Variants in SFI1 observed in about 807,000 individuals in gnomAD.
SFI1 encodes protein SFI1 homolog.
Under a neutral mutation model 207.5 loss-of-function variants are expected in SFI1, and 195 were observed. The ratio of observed to expected loss-of-function variants is 0.94; its 90% confidence interval spans 0.84 to 1.06. The LOEUF (loss-of-function observed/expected upper bound fraction) is 1.06. SFI1 is among the 50% of genes least tolerant of loss of function. SFI1 has a pLI of 0.00. For missense variants in SFI1, 1,634 were observed against 1,588.0 expected (o/e 1.03, Z -0.49); for synonymous variants, 630 against 598.9 (o/e 1.05, Z -0.76).
intron 15 of SFI1, among the ~76,000 whole-genome samples, chr22:31,601,128 C>CTTTTTTTTTTTTTTTTT: frequency 1.2e-5 from 1 of 80,314 alleles, no homozygotes; most frequent in Non-Finnish European, 2.4e-5. Context: ...CTTTTCTTTA[C>CTTTTTTTTTTTTTTTTT]TTTTTTTTTT....
intron 1 of SFI1, among the ~76,000 whole-genome samples, chr22:31,496,847 C>CCCGG (rs2052730684): frequency 6.6e-6 from 1 of 152,198 alleles, no homozygotes. Flanking sequence ...CAGGACGGGG[C>CCCGG]CCGGAGCCTG....
chr22:31,618,092 C>G (rs764237818), intron 31 of SFI1, 23 bp from the exon 32 acceptor site: 1 of 1,552,582 alleles, frequency 6.4e-7, no homozygotes, highest in South Asian at 1.2e-5. Context: ...GCCTGGCAGG[C>G]AGTGGGTATC....
At chr22:31,606,490 G>A (rs1205830891) in intron 21 of SFI1, 60 bp downstream of exon 21, 5 of 1,418,354 alleles carry the variant, frequency 3.5e-6, no homozygotes, top group Non-Finnish European at 4.9e-6. Context: ...TCTGGTGAGG[G>A]CGTGGGATGT....
intron 19 of SFI1, 176 bp downstream of exon 19, chr22:31,604,580 C>T (rs1402908474): frequency 4.8e-6 from 3 of 620,766 alleles, no homozygotes; most frequent in East Asian, 5.9e-5. Flanking sequence ...TTGATTCTTG[C>T]TTGGCCAAGT....
intron 15 of SFI1, among the ~76,000 whole-genome samples, chr22:31,598,736 T>TTTTTTTTTTTTTTC (rs2067587422): frequency 7.5e-6 from 1 of 133,440 alleles, no homozygotes; most frequent in Admixed American, 7.6e-5. Flanking sequence ...TTTTTTTTTT[T>TTTTTTTTTTTTTTC]TTTGATGAGC....
rs2071223426 is a variant in SFI1, at chr22:31,615,291, A to G, written c.3300+12A>G. ...CTGCACCAGCCAGGGTACGTCCTCC[A>G]CCACCAGGCCTGGGCACTGGGGCTC... On this transcript the variant is annotated intron_variant, in intron 29 of 32. Transcript: ENST00000400288. 3 of 1,474,822 alleles carry G rather than the reference A, an allele frequency of 2.0e-6. No individual in the cohort carries two copies. The highest frequency in any genetic ancestry group is 2.7e-6 in the Non-Finnish European group (3 of 1,118,956). 91.4% of individuals were successfully genotyped at this position (1,474,822 alleles called of 1,614,324 possible). A position where few individuals can be genotyped will look rare whatever the true frequency, so the allele number is the denominator to read the frequency against.
chr22:31,595,172 A>ATTTTTTT (rs1280909018), intron 15 of SFI1, among the ~76,000 whole-genome samples: 4 of 151,898 alleles, frequency 2.6e-5, no homozygotes, highest in African/African-American at 2.4e-5. Flanking sequence ...AATTTTTTGT[A>ATTTTTTT]TCTTTAGTAG....
chr22:31,548,471 A>G (rs2060310137), intron 5 of SFI1, among the ~76,000 whole-genome samples: 1 of 150,906 alleles, frequency 6.6e-6, no homozygotes, highest in African/African-American at 2.4e-5. Flanking sequence ...CCCCATCTCA[A>G]CTAAAATACA....
chr22:31,516,856 A>C (rs2056589404), intron 2 of SFI1, among the ~76,000 whole-genome samples: 2 of 152,124 alleles, frequency 1.3e-5, no homozygotes, highest in Admixed American at 1.3e-4. Flanking sequence ...CGGGAGGCTG[A>C]GGTGAGAGAA....
Position 31,508,310 on chromosome 22 carries a change from G to A in SFI1, c.26G>A (p.Cys9Tyr), listed in dbSNP as rs925270871. 1.2e-6 allele frequency: 2 copies of A among 1,612,994 alleles called. No individual in the cohort carries two copies. The highest frequency in any genetic ancestry group is 2.2e-5 in the South Asian group (2 of 91,058). Residue 9 changes from cysteine to tyrosine, a missense_variant, in exon 2 of 33, where the codon TGT becomes TAT. Physicochemically the swap from Cys to Tyr is radical, Grantham distance 194. Transcript: ENST00000400288. The part of the protein sequence containing the change: MKNLLTEK[C>Y]ISSHNFHQKV... ...ATGAAGAATCTGCTCACTGAGAAGTGTATATCAAGCCACAATTTCCATCAA... is the reference window on the plus strand; with the variant it reads ...ATGAAGAATCTGCTCACTGAGAAGTATATATCAAGCCACAATTTCCATCAA...
In SFI1 at chr22:31,573,198, G is replaced by A. The variant is rs1284513046; in HGVS notation, c.906G>A (p.Val302=). ...TTGAATACCTGCAAGTCCGCAGAGT[G>A]AAGAGACAGCAGAATGGTGAGTAGG... ...AWLEYLQVRR[V]KRQQNEMAER... is the part of the protein sequence containing the mutation. The change falls in exon 9 of 33, where the codon GTG becomes GTA. Residue 302 remains valine (V), a synonymous_variant. Coordinates refer to ENST00000400288, the MANE Select transcript of SFI1 (RefSeq NM_001007467.3). 3 of 1,613,982 alleles carry A rather than the reference G, an allele frequency of 1.9e-6. No homozygotes were observed. The highest frequency in any genetic ancestry group is 2.5e-6 in the Non-Finnish European group (3 of 1,179,984).
At chr22:31,549,464 C>A (rs11703803) in intron 5 of SFI1, among the ~76,000 whole-genome samples, 5 of 150,606 alleles carry the variant, frequency 3.3e-5, no homozygotes, top group African/African-American at 1.2e-4. Flanking sequence ...TCTCCTGCCT[C>A]AGCCTCCCTC....
chr22:31,514,082 C>T (rs545821794), intron 2 of SFI1, among the ~76,000 whole-genome samples: 36 of 147,066 alleles, frequency 2.4e-4, no homozygotes, highest in Middle Eastern at 7.1e-3. Flanking sequence ...TGCAGTGAGC[C>T]GAGATTGGAG....
intron 2 of SFI1, among the ~76,000 whole-genome samples, chr22:31,510,705 A>C (rs866136776): frequency 1.6e-4 from 24 of 152,190 alleles, no homozygotes; most frequent in African/African-American, 4.6e-4. Context: ...AAGTACTGGG[A>C]TTACAGGCAT....
intron 24 of SFI1, chr22:31,612,426 T>TATATATATAAAA (rs1491348905): frequency 1.0e-5 from 1 of 99,926 alleles, no homozygotes; most frequent in Non-Finnish European, 2.0e-5. Context: ...TATATATATA[T>TATATATATAAAA]AATCAGTGGG....
intron 17 of SFI1, among the ~76,000 whole-genome samples, chr22:31,603,114 C>T (rs1049401940): frequency 3.9e-5 from 6 of 152,152 alleles, no homozygotes; most frequent in African/African-American, 1.4e-4. Flanking sequence ...AGCATGTAAT[C>T]CCAGTTACTC....
Position 31,602,788 on chromosome 22 carries a change from G to A in SFI1, c.1805+3G>A. The A allele has an allele frequency of 6.2e-7, 1 of 1,612,594 alleles. No homozygotes were observed. Among genetic ancestry groups the A allele is most frequent in the Non-Finnish European group, 8.5e-7 (1 of 1,179,616 alleles). On this transcript the variant is annotated splice_donor_region_variant and intron_variant, in intron 17 of 32. Transcript: ENST00000400288. ...AGTGCCCAAGGGCTCAGAACAGAGT[G>A]AGTGGCCAGTTCTGCCTTACAAGCC...
intron 4 of SFI1, among the ~76,000 whole-genome samples, chr22:31,538,831 T>C (rs998030682): frequency 6.6e-6 from 1 of 152,170 alleles, no homozygotes; most frequent in Non-Finnish European, 1.5e-5. Flanking sequence ...GTCTTTGCAC[T>C]GCTTCTCTAG....
At chr22:31,580,603 C>T (rs958836715) in intron 12 of SFI1, among the ~76,000 whole-genome samples, 22 of 141,408 alleles carry the variant, frequency 1.6e-4, no homozygotes, top group African/African-American at 5.5e-4. Flanking sequence ...AATACAGTGG[C>T]ACGATCTCAG....
Sources: allele counts gnomAD v4.1 joint callset (sites outside exome capture counted in the v4.1 genomes callset), GRCh38; gene constraint gnomAD v4.1.1; transcripts MANE v1.5; gene names NCBI Gene and HGNC (gene_info 2026-07-23, HGNC 2026-07-21).